Variants in VPS11 observed in about 807,000 individuals in gnomAD.
The protein encoded by VPS11 is VPS11 core subunit of CORVET and HOPS complexes.
VPS11 carries 51 observed loss-of-function variants against 106.8 expected under a neutral mutation model. The ratio of observed to expected loss-of-function variants is 0.48; its 90% CI spans 0.38 to 0.60. The LOEUF (loss-of-function observed/expected upper bound fraction) is 0.60. Among genes scored for constraint, VPS11 ranks in the 20% least tolerant of loss-of-function variants. VPS11 has a pLI of 0.00. For synonymous variants in VPS11, 453 were observed against 458.7 expected (o/e 0.99, Z 0.16); for missense variants, 950 against 1,190.0 (o/e 0.80, Z 2.97).
At chr11:119,076,484 C>G (rs1945625323) in intron 7 of VPS11, among the ~76,000 whole-genome samples, 1 of 151,512 alleles carries the variant, frequency 6.6e-6, no homozygotes, top group Non-Finnish European at 1.5e-5. Context: ...TGAGATCGTG[C>G]CACTGCACTC....
chr11:119,079,908 A>G (rs1175430996), intron 14 of VPS11, among the ~76,000 whole-genome samples: 2 of 152,152 alleles, frequency 1.3e-5, no homozygotes, highest in Non-Finnish European at 2.9e-5. Flanking sequence ...AACATTCTGT[A>G]AAATATTTAT....
At chr11:119,078,470 GGAATGGACT>G in intron 11 of VPS11, 86 bp from the exon 12 acceptor site, 1 of 1,577,246 alleles carries the variant, frequency 6.3e-7, no homozygotes, top group Non-Finnish European at 8.6e-7. Context: ...CTGTGAAGAG[GGAATGGACT>G]GAGGGAAAGA....
rs782441732 is a variant in VPS11, at chr11:119,079,775, A to G, written c.2438+475A>G. ...ATTTTTAGTAGAGATGGGGTTTATA[A>G]TGTTGGCCAGGCTGGTCTCGAACTC... On this transcript the variant is annotated intron_variant, in intron 14 of 15. Coordinates refer to ENST00000621676, the MANE Select transcript of VPS11 (RefSeq NM_021729.6). 4.6e-5 allele frequency among the ~76,000 whole-genome samples: 7 copies of G among 152,028 alleles called. No individual in the cohort carries two copies. The South Asian group carries it at 1.2e-3, about 27-fold the overall frequency.
chr11:119,071,333 A>G (rs1454937065), intron 4 of VPS11, among the ~76,000 whole-genome samples: 1 of 152,196 alleles, frequency 6.6e-6, no homozygotes, highest in African/African-American at 2.4e-5. Flanking sequence ...AATACTCTTG[A>G]TAAAGTAGTA....
At chr11:119,081,064 A>G (rs1945830282) in intron 14 of VPS11, 28 bp from the exon 15 acceptor site, 4 of 1,603,068 alleles carry the variant, frequency 2.5e-6, no homozygotes, top group Non-Finnish European at 3.4e-6. Context: ...CACTTTTGCC[A>G]CTCACTTCTG....
In VPS11 at chr11:119,070,365, CACTT is replaced by C. The variant is rs1422599912; in HGVS notation, c.605_608del (p.His202ArgfsTer4). On this transcript the variant is annotated frameshift_variant, in exon 4 of 16. Coordinates refer to ENST00000621676, the MANE Select transcript of VPS11 (RefSeq NM_021729.6). LOFTEE classifies it high-confidence loss of function. Reference sequence around the variant, plus strand: ...CTTTCGCCAAGCAGGAAAGACCACTCACTTGTTTGTTGTGACAACAGAGAACGTC... The same window carrying C: ...CTTTCGCCAAGCAGGAAAGACCACTCGTTTGTTGTGACAACAGAGAACGTC... The C allele has an allele frequency of 6.2e-7, 1 of 1,613,292 alleles. No homozygotes were observed.
rs782436895 is a variant in VPS11, at chr11:119,069,488, G to A, written c.383G>A (p.Cys128Tyr). 6.2e-7 allele frequency: 1 copy of A among 1,613,878 alleles called. No individual in the cohort carries two copies. Residue 128 changes from cysteine (C) to tyrosine (Y), a missense_variant, in exon 3 of 16, where the codon TGC (cysteine) becomes TAC (tyrosine). By Grantham distance (194) the Cys-to-Tyr change is radical. Coordinates refer to ENST00000621676, the MANE Select transcript of VPS11 (RefSeq NM_021729.6). ...LEKRDGGNPL[C>Y]TRIFPAIPGT... ...AAGAGAGATGGTGGCAATCCACTCTGCACTCGAATCTTCCCTGCTATTCCA... is the reference window on the plus strand; with the variant it reads ...AAGAGAGATGGTGGCAATCCACTCTACACTCGAATCTTCCCTGCTATTCCA...
chr11:119,070,019 T>TAAATAAATAAAA (rs1945314091), intron 3 of VPS11, among the ~76,000 whole-genome samples: 1 of 151,098 alleles, frequency 6.6e-6, no homozygotes, highest in Non-Finnish European at 1.5e-5. Context: ...AATAAATAAA[T>TAAATAAATAAAA]AAATAAATAA....
chr11:119,079,249 A>C lies in VPS11; in HGVS notation c.2387A>C (p.Tyr796Ser), dbSNP rs1311248254. The C allele has an allele frequency of 6.2e-7, 1 of 1,607,512 alleles. No individual in the cohort carries two copies. The highest frequency in any genetic ancestry group is 1.1e-5 in the South Asian group (1 of 89,878). ...IAQDELRVRR[Y>S]REETTRIRQE... ...CAGGATGAGCTGCGGGTGCGGCGGT[A>C]CCGAGAGGAGACCACCCGTATCCGC... Residue 796 changes from tyrosine (Y) to serine (S), a missense_variant, in exon 14 of 16, where the codon TAC becomes TCC. Tyr to Ser is a moderately radical substitution (Grantham distance 144). Around this residue, in one of 3 missense-constraint regions of VPS11, gnomAD observed 453 missense variants for 514.6 expected, o/e 0.88. Transcript: ENST00000621676.
intron 12 of VPS11, 33 bp from the exon 13 acceptor site, chr11:119,078,762 A>G (rs1159606635): frequency 1.9e-6 from 3 of 1,609,798 alleles, no homozygotes; most frequent in Admixed American, 3.4e-5. Context: ...TTCCAGAGAC[A>G]GCCACTGAGG....
At chr11:119,076,762 T>G in intron 7 of VPS11, 135 bp from the exon 8 acceptor site, 1 of 1,027,538 alleles carries the variant, frequency 9.7e-7, no homozygotes, top group Non-Finnish European at 1.4e-6. Context: ...TTGTTAGAAA[T>G]GTAGAATCTC....
At position 119,067,901 on chromosome 11, in the gene VPS11, G is replaced by A; in HGVS notation, c.78G>A (p.Gly26=). The part of the protein sequence containing the change: ...ELVKEPLSND[G]AAPGATPASG... ...TGAAGGAGCCGCTGAGCAATGATGGGGCCGCTCCCGGGGCCACACCTGCTT... is the reference window on the plus strand; with the variant it reads ...TGAAGGAGCCGCTGAGCAATGATGGAGCCGCTCCCGGGGCCACACCTGCTT... Residue 26 remains glycine, a synonymous_variant, in exon 1 of 16, where the codon GGG becomes GGA. Coordinates refer to ENST00000621676, the MANE Select transcript of VPS11 (RefSeq NM_021729.6). The A allele has an allele frequency of 1.9e-6, 3 of 1,599,952 alleles. No individual in the cohort carries two copies. Among genetic ancestry groups the A allele is most frequent in the Non-Finnish European group, 8.5e-7 (1 of 1,173,262 alleles).
In VPS11 at chr11:119,070,179, C is replaced by A; in HGVS notation, c.473-55C>A. ...TGCCTCAAGTGGTCTTTTTTCCCCT[C>A]TCCACTTCCTGATCTTTTCAGCCTT... On this transcript the variant is annotated intron_variant, in intron 3 of 15. Transcript: ENST00000621676. 2.6e-6 allele frequency: 4 copies of A among 1,540,762 alleles called. No homozygotes were observed. In the South Asian group the frequency reaches 4.8e-5, roughly 19 times the overall value.
chr11:119,068,703 C>A lies in VPS11; in HGVS notation c.188-493C>A, dbSNP rs374219485. Among the ~76,000 whole-genome samples, 7 of 151,678 alleles carry A rather than the reference C, an allele frequency of 4.6e-5. No homozygotes were observed. In the South Asian group the frequency reaches 1.5e-3, roughly 32 times the overall value. On this transcript the variant is annotated intron_variant, in intron 1 of 15. Transcript: ENST00000621676. ...CCTCGTGATCCACCCGCCTCGGCCT[C>A]CCAAAGTGCTGGGATTACAGGAGTG... is the stretch of plus-strand genomic sequence containing the variant.
chr11:119,077,023 C>T lies in VPS11; in HGVS notation c.1365C>T (p.Thr455=), dbSNP rs781958332. 1.9e-6 allele frequency: 3 copies of T among 1,613,850 alleles called. No homozygotes were observed. The highest frequency in any genetic ancestry group is 1.7e-5 in the Admixed American group (1 of 59,980). ...CCCTGGCCAATGCCGACCATACCAC[C>T]CTGCTCCTCAACTGCTATACCAAGC... ...RQSLANADHT[T]LLLNCYTKLK... Residue 455 remains threonine, a synonymous_variant, in exon 8 of 16, where the codon ACC becomes ACT. Coordinates refer to ENST00000621676, the MANE Select transcript of VPS11 (RefSeq NM_021729.6).
chr11:119,071,505 A>G, intron 4 of VPS11, 91 bp from the exon 5 acceptor site: 1 of 1,505,878 alleles, frequency 6.6e-7, no homozygotes, highest in Non-Finnish European at 8.9e-7. Context: ...AAGAGGGAAA[A>G]AAGAGCCAGT....
At position 119,078,238 on chromosome 11, in the gene VPS11, G is replaced by A. The variant is rs782424603; in HGVS notation, c.1827G>A (p.Glu609=). Residue 609 remains glutamate (E), a synonymous_variant, in exon 11 of 16, where the codon GAG becomes GAA. Transcript: ENST00000621676. ...CGCGAGAGCTGAAAGCCTTCCTAGA[G>A]CACATGAGTGAAGTGCAGCCAGACT... is the stretch of plus-strand genomic sequence containing the variant. ...NNPRELKAFL[E]HMSEVQPDSP... 1 of 1,613,748 alleles carries A rather than the reference G, an allele frequency of 6.2e-7. No homozygotes were observed. The highest frequency in any genetic ancestry group is 8.5e-7 in the Non-Finnish European group (1 of 1,179,890).
rs782597464 is a variant in VPS11 at position 119,069,491 on chromosome 11, C to T, written c.386C>T (p.Thr129Ile). Residue 129 changes from threonine (T) to isoleucine (I), a missense_variant, in exon 3 of 16, where the codon ACT (threonine) becomes ATT (isoleucine). Transcript: ENST00000621676. ...AGAGATGGTGGCAATCCACTCTGCA[C>T]TCGAATCTTCCCTGCTATTCCAGGA... The part of the protein sequence containing the change: ...EKRDGGNPLC[T>I]RIFPAIPGTE... 2 of 1,613,876 alleles carry T rather than the reference C, an allele frequency of 1.2e-6. No individual in the cohort carries two copies. The highest frequency in any genetic ancestry group is 1.7e-6 in the Non-Finnish European group (2 of 1,179,902).
Position 119,067,875 on chromosome 11 carries a change from G to A in VPS11, c.52G>A (p.Val18Met), listed in dbSNP as rs2133639372. The A allele has an allele frequency of 1.5e-5, 23 of 1,577,222 alleles. No homozygotes were observed. In the Admixed American group the frequency reaches 3.9e-4, roughly 27 times the overall value. Residue 18 changes from valine (V) to methionine (M), a missense_variant, in exon 1 of 16, where the codon GTG becomes ATG. Val to Met is a conservative substitution (Grantham distance 21). Transcript: ENST00000621676. The part of the protein sequence containing the change: ...RRFVFFDKEL[V>M]KEPLSNDGAA... ...CTTCGTTTTCTTCGACAAGGAGCTG[G>A]TGAAGGAGCCGCTGAGCAATGATGG...
Sources: allele counts gnomAD v4.1 joint callset (sites outside exome capture counted in the v4.1 genomes callset), GRCh38; gene constraint gnomAD v4.1.1; regional missense constraint gnomAD v4.1.1; transcripts MANE v1.5; gene names NCBI Gene and HGNC (gene_info 2026-07-23, HGNC 2026-07-21).